The following LY6G6F variants were observed in gnomAD, a reference collection of about 807,000 sequenced individuals.
The protein encoded by LY6G6F is lymphocyte antigen 6 family member G6F, also known as lymphocyte antigen 6 complex locus protein G6f.
In LY6G6F, 26 loss-of-function variants were observed where a neutral mutation model predicts 33.0. The observed-to-expected ratio is 0.79, with a 90% CI of 0.58 to 1.09. The LOEUF is 1.09. LY6G6F is among the 50% of genes least tolerant of loss of function. LY6G6F has a pLI of 0.00. For missense variants in LY6G6F, 317 were observed against 372.0 expected (o/e 0.85, Z 1.22); for synonymous variants, 132 against 148.1 (o/e 0.89, Z 0.79).
Position 31,707,439 on chromosome 6 carries a change from T to TA in LY6G6F, c.53-18dup. On this transcript the variant is annotated intron_variant, in intron 1 of 5. Coordinates refer to ENST00000375832, the MANE Select transcript of LY6G6F (RefSeq NM_001003693.3). The surrounding 1 kb of genome is among the most constrained non-coding windows in gnomAD (Gnocchi z 4.1). ...GATCTGATGGAGGTCTCTGGCCTCA[T>TA]ACAACCCTCTTCCCACAGACAACAT... The TA allele has an allele frequency of 1.2e-6, 2 of 1,609,504 alleles. No individual in the cohort carries two copies. Among genetic ancestry groups the TA allele is most frequent in the Middle Eastern group, 3.4e-4 (2 of 5,952 alleles).
In LY6G6F at chr6:31,708,094, C is replaced by T. The variant is rs1433459598; in HGVS notation, c.606C>T (p.Cys202=). 1 of 1,596,724 alleles carries T rather than the reference C, an allele frequency of 6.3e-7. No homozygotes were observed. Among genetic ancestry groups the T allele is most frequent in the African/African-American group, 1.3e-5 (1 of 74,568 alleles). Residue 202 remains cysteine, a synonymous_variant, in exon 3 of 6, where the codon TGC becomes TGT. Coordinates refer to ENST00000375832, the MANE Select transcript of LY6G6F (RefSeq NM_001003693.3). ...PRSRRPRIIR[C]LMTHNKGVSF... Reference sequence around the variant, plus strand: ...GCCGAAGACCAAGAATCATCCGCTGCCTCATGACTCACAACAAAGGGGTCA... The same window carrying T: ...GCCGAAGACCAAGAATCATCCGCTGTCTCATGACTCACAACAAAGGGGTCA...
At chr6:31,709,810 C>A (rs997255480) in intron 3 of LY6G6F, among the ~76,000 whole-genome samples, 1 of 152,180 alleles carries the variant, frequency 6.6e-6, no homozygotes, top group African/African-American at 2.4e-5. Flanking sequence ...GAATTACAGG[C>A]ATGAGCCACT....
Position 31,710,376 on chromosome 6 carries a change from C to G in LY6G6F, c.827C>G (p.Pro276Arg). The G allele has an allele frequency of 6.2e-7, 1 of 1,614,146 alleles. No individual in the cohort carries two copies. The highest frequency in any genetic ancestry group is 2.2e-5 in the East Asian group (1 of 44,886). Residue 276 changes from proline to arginine, a missense_variant, in exon 5 of 6, where the codon CCC becomes CGC. Pro to Arg is a moderately radical substitution (Grantham distance 103). Coordinates refer to ENST00000375832, the MANE Select transcript of LY6G6F (RefSeq NM_001003693.3). This position sits in a 1 kb window ranked among gnomAD's most constrained non-coding sequence, Gnocchi z 4.7. The stretch of plus-strand genomic sequence containing the variant: ...GATGCCTCGATTCCTCAGTTCAAAC[C>G]CGAAATCCAGGTCTATGAGAACATC... ...GRDASIPQFK[P>R]EIQVYENIHL...
chr6:31,710,378 G>A lies in LY6G6F; in HGVS notation c.829G>A (p.Glu277Lys), dbSNP rs766054777. Residue 277 changes from glutamate to lysine, a missense_variant, in exon 5 of 6, where the codon GAA becomes AAA. Transcript: ENST00000375832. This position sits in a 1 kb window ranked among gnomAD's most constrained non-coding sequence, Gnocchi z 4.7. ...TGCCTCGATTCCTCAGTTCAAACCC[G>A]AAATCCAGGTCTATGAGAACATCCA... ...RDASIPQFKP[E>K]IQVYENIHLA... The A allele has an allele frequency of 5.3e-5, 86 of 1,614,036 alleles. No homozygotes were observed. The highest frequency in any genetic ancestry group is 9.3e-5 in the African/African-American group (7 of 74,898).
At position 31,710,632 on chromosome 6, in the gene LY6G6F, C is replaced by T. The variant is rs1562145680; in HGVS notation, c.*41C>T. On this transcript the variant is annotated 3_prime_UTR_variant, in exon 6 of 6. Coordinates refer to ENST00000375832, the MANE Select transcript of LY6G6F (RefSeq NM_001003693.3). The surrounding 1 kb of genome is among the most constrained non-coding windows in gnomAD (Gnocchi z 4.7). Reference sequence around the variant, plus strand: ...CTGGGAAGTGTGACCTGCTGTCTCGCTGGCCATCTGGCACCTGGAAGATTC... The same window carrying T: ...CTGGGAAGTGTGACCTGCTGTCTCGTTGGCCATCTGGCACCTGGAAGATTC... The T allele has an allele frequency of 6.2e-7, 1 of 1,613,340 alleles. No individual in the cohort carries two copies. Among genetic ancestry groups the T allele is most frequent in the Non-Finnish European group, 8.5e-7 (1 of 1,179,486 alleles).
In LY6G6F at chr6:31,710,368, G is replaced by A. The variant is rs772793347; in HGVS notation, c.819G>A (p.Gln273=). ...TCTCCCCAGATGCCTCGATTCCTCA[G>A]TTCAAACCCGAAATCCAGGTCTATG... ...GAPGRDASIP[Q]FKPEIQVYEN... is the part of the protein sequence containing the mutation. The change falls in exon 5 of 6, where the codon CAG becomes CAA. Residue 273 remains glutamine, a synonymous_variant. Transcript: ENST00000375832. The surrounding 1 kb of genome is among the most constrained non-coding windows in gnomAD (Gnocchi z 4.7). 8 of 1,613,984 alleles carry A rather than the reference G, an allele frequency of 5.0e-6. No homozygotes were observed. Among genetic ancestry groups the A allele is most frequent in the Admixed American group, 1.7e-5 (1 of 59,992 alleles).
In LY6G6F at chr6:31,706,901, C is replaced by T. The variant is rs1805654804; in HGVS notation, c.-6C>T. ...TTGGAGCAAGAGAACTTGGCAGGCT[C>T]TCCCCATGGCAGTCTTATTCCTCCT... is the stretch of plus-strand genomic sequence containing the variant. On this transcript the variant is annotated 5_prime_UTR_variant, in exon 1 of 6. Coordinates refer to ENST00000375832, the MANE Select transcript of LY6G6F (RefSeq NM_001003693.3). 2 of 1,614,130 alleles carry T rather than the reference C, an allele frequency of 1.2e-6. No individual in the cohort carries two copies. The highest frequency in any genetic ancestry group is 2.2e-5 in the East Asian group (1 of 44,866).
Position 31,707,534 on chromosome 6 carries a change from G to C in LY6G6F, c.129G>C (p.Gly43=), listed in dbSNP as rs760410150. 1.2e-6 allele frequency: 2 copies of C among 1,614,136 alleles called. No individual in the cohort carries two copies. The highest frequency in any genetic ancestry group is 2.2e-5 in the South Asian group (2 of 91,066). ...LPCPSPPTLH[G]DEHLSWFCSP... Reference sequence around the variant, plus strand: ...GTCCCTCACCACCTACTCTACATGGGGACGAACACCTGTCATGGTTCTGCA... The same window carrying C: ...GTCCCTCACCACCTACTCTACATGGCGACGAACACCTGTCATGGTTCTGCA... The change falls in exon 2 of 6, where the codon GGG becomes GGC. Residue 43 remains glycine, a synonymous_variant. Coordinates refer to ENST00000375832, the MANE Select transcript of LY6G6F (RefSeq NM_001003693.3). This position sits in a 1 kb window ranked among gnomAD's most constrained non-coding sequence, Gnocchi z 4.1.
chr6:31,706,974 T>C lies in LY6G6F; in HGVS notation c.52+16T>C. On this transcript the variant is annotated intron_variant, in intron 1 of 5. Coordinates refer to ENST00000375832, the MANE Select transcript of LY6G6F (RefSeq NM_001003693.3). Reference sequence around the variant, plus strand: ...CAGGCTGCAGGTAAGGGGCAAGAGGTACGGGATTCCTTAGCTATTTGCAAG... The same window carrying C: ...CAGGCTGCAGGTAAGGGGCAAGAGGCACGGGATTCCTTAGCTATTTGCAAG... The C allele has an allele frequency of 2.5e-6, 4 of 1,613,446 alleles. No individual in the cohort carries two copies. The highest frequency in any genetic ancestry group is 3.4e-6 in the Non-Finnish European group (4 of 1,179,476).
At chr6:31,708,182 C>G in intron 3 of LY6G6F, 48 bp downstream of exon 3, 2 of 1,502,808 alleles carry the variant, frequency 1.3e-6, no homozygotes, top group Non-Finnish European at 1.8e-6. Context: ...ACTTCAGCCT[C>G]CCAAGTAGCT....
rs560729007 is a variant in LY6G6F at position 31,710,118 on chromosome 6, G to A, written c.739G>A (p.Val247Ile). 2 of 1,613,050 alleles carry A rather than the reference G, an allele frequency of 1.2e-6. No individual in the cohort carries two copies. Among genetic ancestry groups the A allele is most frequent in the East Asian group, 2.2e-5 (1 of 44,878 alleles). Residue 247 changes from valine to isoleucine, a missense_variant, in exon 4 of 6, where the codon GTT (valine) becomes ATT (isoleucine). Val to Ile is a conservative substitution (Grantham distance 29). Coordinates refer to ENST00000375832, the MANE Select transcript of LY6G6F (RefSeq NM_001003693.3). This position sits in a 1 kb window ranked among gnomAD's most constrained non-coding sequence, Gnocchi z 4.7. ...LMLLLTMGQGVVILALSIVLW... is the reference protein window; with the variant it reads ...LMLLLTMGQGIVILALSIVLW... ...GCTGCTGCTCACAATGGGCCAGGGAGTTGTCATCCTGGCCCTCAGCATCGT... is the reference window on the plus strand; with the variant it reads ...GCTGCTGCTCACAATGGGCCAGGGAATTGTCATCCTGGCCCTCAGCATCGT...
intron 3 of LY6G6F, 119 bp from the exon 4 acceptor site, chr6:31,709,907 T>G: frequency 9.4e-7 from 1 of 1,062,102 alleles, no homozygotes; most frequent in Non-Finnish European, 1.4e-6. Flanking sequence ...CAGGGAAGCT[T>G]ACAAAGTCTT....
rs139223043 is a variant in LY6G6F, at chr6:31,710,239, A to G, written c.802+58A>G. On this transcript the variant is annotated intron_variant, in intron 4 of 5. Transcript: ENST00000375832. The surrounding 1 kb of genome is among the most constrained non-coding windows in gnomAD (Gnocchi z 4.7). ...GCACATGGGTGGGAGGCAAAGGGCT[A>G]GGCTCACACCCCGCCTCTGTACCCC... The G allele has an allele frequency of 7.6e-3, 12,205 of 1,609,644 alleles. 571 individuals are homozygous for G. The South Asian group carries it at 0.092, about 12-fold the overall frequency.
rs1293947561 is a variant in LY6G6F at position 31,710,564 on chromosome 6, C to G, written c.870-3C>G. The G allele has an allele frequency of 6.2e-6, 10 of 1,614,010 alleles. No homozygotes were observed. Among genetic ancestry groups the G allele is most frequent in the Non-Finnish European group, 7.6e-6 (9 of 1,180,022 alleles). On this transcript the variant is annotated splice_polypyrimidine_tract_variant and splice_region_variant and intron_variant, in intron 5 of 5. Transcript: ENST00000375832. The surrounding 1 kb of genome is among the most constrained non-coding windows in gnomAD (Gnocchi z 4.7). ...TAATCTGTCTCTCTGGAAAACCCCA[C>G]AGCCCACCTGCCCACAAGCCCAGGT...
In LY6G6F at chr6:31,708,143, A is replaced by G; in HGVS notation, c.646+9A>G. ...CAGCTTTAGCCTGGCAGGTAAACTG[A>G]GGAAGGAGACGGAAAGGGATGTTCT... On this transcript the variant is annotated intron_variant, in intron 3 of 5. Transcript: ENST00000375832. The G allele has an allele frequency of 6.6e-7, 1 of 1,522,642 alleles. No homozygotes were observed. Among genetic ancestry groups the G allele is most frequent in the Non-Finnish European group, 8.8e-7 (1 of 1,134,900 alleles). The allele number at this position is 1,522,642 out of a possible 1,614,324, so 94.3% of individuals were successfully genotyped here. A position where few individuals can be genotyped will look rare whatever the true frequency, so the allele number is the denominator to read the frequency against.
rs370342919 is a variant in LY6G6F, at chr6:31,710,536, C to G, written c.870-31C>G. On this transcript the variant is annotated intron_variant, in intron 5 of 5. Coordinates refer to ENST00000375832, the MANE Select transcript of LY6G6F (RefSeq NM_001003693.3). This position sits in a 1 kb window ranked among gnomAD's most constrained non-coding sequence, Gnocchi z 4.7. ...CTGAGGATGTGAAAAGTAGAGGTAT[C>G]CTTAATCTGTCTCTCTGGAAAACCC... 1.5e-5 allele frequency: 25 copies of G among 1,614,068 alleles called. No homozygotes were observed. The highest frequency in any genetic ancestry group is 2.0e-5 in the Non-Finnish European group (24 of 1,180,004).
chr6:31,707,026 C>T lies in LY6G6F; in HGVS notation c.52+68C>T. ...TTGGGGAGGGACTACTGCTCTTTCT[C>T]CTAGGAGCCTGGCGAAGGCATCTGA... On this transcript the variant is annotated intron_variant, in intron 1 of 5. Transcript: ENST00000375832. This position sits in a 1 kb window ranked among gnomAD's most constrained non-coding sequence, Gnocchi z 4.1. 1 of 1,525,188 alleles carries T rather than the reference C, an allele frequency of 6.6e-7. No homozygotes were observed. Among genetic ancestry groups the T allele is most frequent in the Non-Finnish European group, 9.1e-7 (1 of 1,099,386 alleles). The allele number at this position is 1,525,188 out of a possible 1,614,324, so 94.5% of individuals were successfully genotyped here.
rs750139461 is a variant in LY6G6F at position 31,708,610 on chromosome 6, T to TTTTTA, written c.646+499_646+503dup. Among the ~76,000 whole-genome samples the TTTTTA allele has an allele frequency of 3.3e-3, 500 of 152,272 alleles. 2 individuals are homozygous for TTTTTA. Among genetic ancestry groups the TTTTTA allele is most frequent in the African/African-American group, 5.2e-3 (215 of 41,544 alleles). On this transcript the variant is annotated intron_variant, in intron 3 of 5. Transcript: ENST00000375832. ...AGCAGGGGGCATTGCCATTCTCTAC[T>TTTTTA]TTTTATTTTATTTTATTTTATTTTA...
chr6:31,707,988 G>A lies in LY6G6F; in HGVS notation c.500G>A (p.Arg167Lys), dbSNP rs2242653. Residue 167 changes from arginine (R) to lysine (K), a missense_variant, in exon 3 of 6, where the codon AGG becomes AAG. Arg to Lys is a conservative substitution (Grantham distance 26). Transcript: ENST00000375832. The surrounding 1 kb of genome is among the most constrained non-coding windows in gnomAD (Gnocchi z 4.1). ...TGGCAGGAAGGGAAGGGTCCCGTGA[G>A]GGGCCGTGTTCAGTCCTTCTGGGGC... Reference protein sequence around the residue: ...VTWQEGKGPVRGRVQSFWGSE... With the variant: ...VTWQEGKGPVKGRVQSFWGSE... 245,812 of 1,612,924 alleles carry A rather than the reference G, an allele frequency of 0.15. 20,791 individuals carry two copies. The highest frequency in any genetic ancestry group is 0.23 in the Admixed American group (13,538 of 60,004).
Sources: allele counts gnomAD v4.1 joint callset (sites outside exome capture counted in the v4.1 genomes callset), GRCh38; gene constraint gnomAD v4.1.1; non-coding constraint Gnocchi (gnomAD v3.1); transcripts MANE v1.5; gene names NCBI Gene and HGNC (gene_info 2026-07-23, HGNC 2026-07-21).